STK39: variants seen among roughly 807,000 people sequenced by gnomAD.
The protein encoded by STK39 is STE20/SPS1-related proline-alanine-rich protein kinase.
A neutral mutation model predicts 77.8 loss-of-function variants in STK39; 20 were observed. The ratio of observed to expected loss-of-function variants is 0.26; its 90% CI spans 0.18 to 0.37. STK39 has a LOEUF of 0.37. Among genes scored for constraint, STK39 ranks in the 10% least tolerant of loss-of-function variants. The pLI is 1.00. For missense variants in STK39, 479 were observed against 656.5 expected, an observed-to-expected ratio of 0.73 and a Z score of 2.95; for synonymous variants, 246 against 234.1, an observed-to-expected ratio of 1.05 and a Z score of -0.47.
chr2:168,013,556 A>G (rs1684324643), intron 15 of STK39, among the ~76,000 whole-genome samples: 1 of 152,224 alleles, frequency 6.6e-6, no homozygotes, highest in Non-Finnish European at 1.5e-5. Context: ...AGATATTCTC[A>G]CAAATATTTA....
At chr2:167,985,893 T>C (rs921768119) in intron 16 of STK39, among the ~76,000 whole-genome samples, 4 of 152,206 alleles carry the variant, frequency 2.6e-5, no homozygotes, top group African/African-American at 9.6e-5. Context: ...AGCCCAAGAC[T>C]GGCTGTTGTA....
intron 8 of STK39, among the ~76,000 whole-genome samples, chr2:168,132,300 A>G (rs979332571): frequency 6.6e-6 from 1 of 152,118 alleles, no homozygotes; most frequent in African/African-American, 2.4e-5. Flanking sequence ...TGGCTAATAT[A>G]GTTAAATAAA....
At chr2:167,967,039 G>A (rs1692177332) in intron 16 of STK39, among the ~76,000 whole-genome samples, 1 of 152,154 alleles carries the variant, frequency 6.6e-6, no homozygotes, top group Non-Finnish European at 1.5e-5. Flanking sequence ...TACCTGGAAC[G>A]TGAGCTGAGA....
chr2:168,163,290 G>C (rs923254125), intron 4 of STK39, among the ~76,000 whole-genome samples: 1 of 152,128 alleles, frequency 6.6e-6, no homozygotes, highest in African/African-American at 2.4e-5. Context: ...AATTCACATA[G>C]TACAATGTTT....
rs199605360 is a variant in STK39, at chr2:168,063,505, T to C, written c.1371A>G (p.Arg457=). The C allele has an allele frequency of 5.0e-6, 8 of 1,612,404 alleles. No homozygotes were observed. The highest frequency in any genetic ancestry group is 5.9e-6 in the Non-Finnish European group (7 of 1,179,166). Residue 457 remains arginine (R), a synonymous_variant, in exon 14 of 18, where the codon AGA becomes AGG. Transcript: ENST00000355999. ...TAAACAACAGTATTATTTACCTTAA[T>C]CTCAAAACGAGGTTCACGGCACAAG... ...ASSCAVNLVL[R]LRNSRKELND...
chr2:168,232,854 G>A (rs902942876), intron 1 of STK39, among the ~76,000 whole-genome samples: 1 of 152,002 alleles, frequency 6.6e-6, no homozygotes, highest in Admixed American at 6.6e-5. Flanking sequence ...GGAGGTTGCA[G>A]CGAGCCGAGA....
At chr2:168,207,441 T>C (rs922341574) in intron 1 of STK39, among the ~76,000 whole-genome samples, 1 of 152,178 alleles carries the variant, frequency 6.6e-6, no homozygotes, top group Non-Finnish European at 1.5e-5. Context: ...AATTCAACTT[T>C]GAGTACATAT....
intron 14 of STK39, among the ~76,000 whole-genome samples, chr2:168,034,099 C>T (rs1339774921): frequency 6.6e-6 from 1 of 152,236 alleles, no homozygotes; most frequent in East Asian, 1.9e-4. Flanking sequence ...CTGAGTCCTA[C>T]AGCAGCTGCT....
chr2:168,194,957 A>G (rs554605840), intron 1 of STK39, among the ~76,000 whole-genome samples: 1 of 152,342 alleles, frequency 6.6e-6, no homozygotes, highest in South Asian at 2.1e-4. Flanking sequence ...AACTAGAAGC[A>G]GATGGAGAGC....
At chr2:168,019,295 G>C (rs559332019) in intron 14 of STK39, among the ~76,000 whole-genome samples, 2 of 152,206 alleles carry the variant, frequency 1.3e-5, no homozygotes, top group African/African-American at 4.8e-5. Context: ...CTGAGAGAGA[G>C]AGACCACATT....
chr2:167,963,037 C>T (rs1017529932), intron 17 of STK39, among the ~76,000 whole-genome samples: 10 of 152,172 alleles, frequency 6.6e-5, no homozygotes, highest in African/African-American at 2.4e-4. Flanking sequence ...GCAGTGGAAA[C>T]ACTGTGTCTA....
At chr2:168,184,025 C>G (rs1259990898) in intron 1 of STK39, among the ~76,000 whole-genome samples, 1 of 152,242 alleles carries the variant, frequency 6.6e-6, no homozygotes, top group Non-Finnish European at 1.5e-5. Context: ...ATCCTCAGCT[C>G]TACCTGCAAT....
intron 10 of STK39, among the ~76,000 whole-genome samples, chr2:168,107,697 G>A (rs1687010127): frequency 6.6e-6 from 1 of 152,170 alleles, no homozygotes; most frequent in Admixed American, 6.5e-5. Flanking sequence ...AAATGAAAAT[G>A]CATGGGAATA....
At chr2:168,037,033 T>C (rs76875125) in intron 14 of STK39, among the ~76,000 whole-genome samples, 5,451 of 152,324 alleles carry the variant, frequency 0.036, 345 homozygotes, top group African/African-American at 0.12. Context: ...GCTTGCTTTG[T>C]TACGACTAAT....
intron 5 of STK39, among the ~76,000 whole-genome samples, chr2:168,161,437 A>G (rs1200603013): frequency 2.0e-5 from 3 of 152,216 alleles, no homozygotes; most frequent in Non-Finnish European, 4.4e-5. Context: ...GATGTGTATG[A>G]TGTTTTAAAT....
chr2:168,205,257 C>T (rs925463739), intron 1 of STK39, among the ~76,000 whole-genome samples: 12 of 152,076 alleles, frequency 7.9e-5, no homozygotes, highest in African/African-American at 2.9e-4. Flanking sequence ...TAAATTAAAA[C>T]CAGTTATAAA....
At chr2:168,095,077 C>T (rs185162119) in intron 10 of STK39, among the ~76,000 whole-genome samples, 44 of 152,288 alleles carry the variant, frequency 2.9e-4, no homozygotes, top group African/African-American at 8.9e-4. Context: ...ACCCCCATCA[C>T]CTCAGGCCTA....
intron 14 of STK39, among the ~76,000 whole-genome samples, chr2:168,055,875 G>T (rs1393181479): frequency 6.6e-6 from 1 of 152,170 alleles, no homozygotes; most frequent in African/African-American, 2.4e-5. Flanking sequence ...TCTACTGACA[G>T]TATATAAATT....
chr2:168,029,662 G>A (rs1002100124), intron 14 of STK39, among the ~76,000 whole-genome samples: 4 of 152,148 alleles, frequency 2.6e-5, no homozygotes, highest in African/African-American at 9.7e-5. Context: ...GGCCCCAAAA[G>A]TGTCTTGTCA....
Sources: allele counts gnomAD v4.1 joint callset (sites outside exome capture counted in the v4.1 genomes callset), GRCh38; gene constraint gnomAD v4.1.1; transcripts MANE v1.5; gene names NCBI Gene and HGNC (gene_info 2026-07-23, HGNC 2026-07-21).